The following ZNF536 variants were observed in gnomAD, a reference collection of about 807,000 sequenced individuals.
ZNF536 encodes zinc finger protein 536.
ZNF536 carries 13 observed loss-of-function variants against 84.5 expected under a neutral mutation model. The ratio of observed to expected loss-of-function variants is 0.15; its 90% CI spans 0.10 to 0.24. The LOEUF is 0.24. Among genes scored for constraint, ZNF536 ranks in the 10% least tolerant of loss-of-function variants. The pLI is 1.00. For synonymous variants in ZNF536, 811 were observed against 742.5 expected, an observed-to-expected ratio of 1.09 and a Z score of -1.50; for missense variants, 1,536 against 1,747.5, an observed-to-expected ratio of 0.88 and a Z score of 2.16.
At chr19:30,696,916 A>C (rs1240845972) in intron 1 of ZNF536, among the ~76,000 whole-genome samples, 1 of 152,222 alleles carries the variant, frequency 6.6e-6, no homozygotes, top group Non-Finnish European at 1.5e-5. Flanking sequence ...CTCCAGCTGC[A>C]GGACCATGTT....
At chr19:30,328,731 G>A (rs1433831122) in intron 2 of ZNF536, among the ~76,000 whole-genome samples, 1 of 152,220 alleles carries the variant, frequency 6.6e-6, no homozygotes, top group Admixed American at 6.5e-5. Context: ...TGGAAAGATC[G>A]TGGCATGTTC....
At chr19:30,576,063 T>C (rs182549188) in intron 1 of ZNF536, among the ~76,000 whole-genome samples, 2 of 152,318 alleles carry the variant, frequency 1.3e-5, no homozygotes, top group East Asian at 3.9e-4. Context: ...GAATTCTTAA[T>C]GATGTTTGAG....
At chr19:30,263,902 A>C (rs200239594) in intron 1 of ZNF536, among the ~76,000 whole-genome samples, 6 of 144,134 alleles carry the variant, frequency 4.2e-5, no homozygotes, top group East Asian at 4.3e-4. Context: ...ACACACACAC[A>C]CCCTACACAC....
In ZNF536 at chr19:30,340,935, A is replaced by C. The variant is rs189836700; in HGVS notation, c.-119-11433A>C. Reference sequence around the variant, plus strand: ...CCTTCTCTTCTGCTGCTGTGCACTTAATTCGGTTCCAGCCGTGTCAGGGAG... The same window carrying C: ...CCTTCTCTTCTGCTGCTGTGCACTTCATTCGGTTCCAGCCGTGTCAGGGAG... On this transcript the variant is annotated intron_variant, in intron 2 of 5. Transcript: ENST00000585628. Among the ~76,000 whole-genome samples, 4 of 152,152 alleles carry C rather than the reference A, an allele frequency of 2.6e-5. No individual in the cohort carries two copies. In the East Asian group the frequency reaches 7.7e-4, roughly 29 times the overall value.
intron 1 of ZNF536, among the ~76,000 whole-genome samples, chr19:30,396,022 C>T (rs993553711): frequency 2.0e-5 from 3 of 152,116 alleles, no homozygotes; most frequent in African/African-American, 7.2e-5. Context: ...GTGCACTTGG[C>T]GTACATTCTG....
chr19:30,303,857 C>T (rs2046265883), intron 2 of ZNF536, among the ~76,000 whole-genome samples: 1 of 152,172 alleles, frequency 6.6e-6, no homozygotes, highest in African/African-American at 2.4e-5. Context: ...ACTCACCACT[C>T]AGGGTGAGGC....
At chr19:30,463,446 G>C (rs892905684) in intron 2 of ZNF536, among the ~76,000 whole-genome samples, 1 of 152,148 alleles carries the variant, frequency 6.6e-6, no homozygotes, top group Non-Finnish European at 1.5e-5. Flanking sequence ...GAAGAAGCTG[G>C]GGCTTGAGGC....
intron 2 of ZNF536, among the ~76,000 whole-genome samples, chr19:30,346,092 G>A (rs1014229073): frequency 6.6e-6 from 1 of 152,138 alleles, no homozygotes; most frequent in Non-Finnish European, 1.5e-5. Flanking sequence ...CACTGCCATC[G>A]GAAAGGCTGT....
intron 2 of ZNF536, among the ~76,000 whole-genome samples, chr19:30,306,461 G>A (rs932954772): frequency 6.6e-6 from 1 of 152,134 alleles, no homozygotes; most frequent in African/African-American, 2.4e-5. Flanking sequence ...TATGTCTTGG[G>A]TTTGTAACAC....
At chr19:30,572,871 G>A (rs1406244130) in intron 1 of ZNF536, among the ~76,000 whole-genome samples, 1 of 152,144 alleles carries the variant, frequency 6.6e-6, no homozygotes, top group African/African-American at 2.4e-5. Flanking sequence ...TGTATCACAT[G>A]GATAGAGAGC....
intron 2 of ZNF536, among the ~76,000 whole-genome samples, chr19:30,510,541 C>A (rs563846683): frequency 3.9e-5 from 6 of 152,320 alleles, no homozygotes; most frequent in Admixed American, 3.9e-4. Context: ...GGGAGGAAGG[C>A]AGGTGGCAAT....
intron 2 of ZNF536, among the ~76,000 whole-genome samples, chr19:30,525,027 T>C (rs1005900440): frequency 6.6e-6 from 1 of 152,200 alleles, no homozygotes; most frequent in African/African-American, 2.4e-5. Context: ...GTGAAGTCGT[T>C]TCTCCTTATG....
At position 30,667,536 on chromosome 19, in the gene ZNF536, A is replaced by G. The variant is rs75211561; in HGVS notation, c.170-43221A>G. On this transcript the variant is annotated intron_variant, in intron 1 of 1. Coordinates refer to the ZNF536 transcript ENST00000592773. ...GACCTGAAATGCCGAAGTGTCCCCA[A>G]TGGCCTGGATCAAGGTTAATTGAAG... 6.4e-3 allele frequency among the ~76,000 whole-genome samples: 979 copies of G among 151,934 alleles called. 10 individuals are homozygous for G. The highest frequency in any genetic ancestry group is 0.022 in the African/African-American group (921 of 41,460).
intron 2 of ZNF536, among the ~76,000 whole-genome samples, chr19:30,305,614 A>G (rs1600151888): frequency 1.3e-5 from 2 of 152,328 alleles, no homozygotes; most frequent in Middle Eastern, 3.4e-3. Context: ...CCTGGCACCA[A>G]CATTGGAGGC....
chr19:30,619,746 T>C (rs1215776110), intron 1 of ZNF536, among the ~76,000 whole-genome samples: 1 of 152,238 alleles, frequency 6.6e-6, no homozygotes, highest in African/African-American at 2.4e-5. Context: ...CTGCTCTTCC[T>C]TGCAGGAAAG....
At chr19:30,480,231 A>G (rs755382548) in intron 2 of ZNF536, among the ~76,000 whole-genome samples, 27 of 151,950 alleles carry the variant, frequency 1.8e-4, no homozygotes, top group Non-Finnish European at 2.9e-4. Flanking sequence ...TTTGTCATCC[A>G]TCTCAGGCTC....
At chr19:30,565,691 C>T (rs987097062) in intron 1 of ZNF536, among the ~76,000 whole-genome samples, 5 of 152,212 alleles carry the variant, frequency 3.3e-5, no homozygotes, top group Admixed American at 6.5e-5. Flanking sequence ...CTCACCCCCT[C>T]CCACATCCCC....
chr19:30,331,166 C>G (rs71350805), intron 2 of ZNF536, among the ~76,000 whole-genome samples: 1 of 151,420 alleles, frequency 6.6e-6, no homozygotes. Flanking sequence ...CACCTGGGGT[C>G]TCAGCTGCTT....
intron 1 of ZNF536, among the ~76,000 whole-genome samples, chr19:30,570,247 C>T (rs192949696): frequency 6.6e-6 from 1 of 152,170 alleles, no homozygotes; most frequent in Non-Finnish European, 1.5e-5. Context: ...CCTGGACACC[C>T]TCCCTCCACA....
Sources: gnomAD v4.1 joint callset for allele counts (sites outside exome capture counted in the v4.1 genomes callset) on GRCh38, gnomAD v4.1.1 for gene constraint, MANE v1.5 for transcripts, NCBI Gene and HGNC (gene_info 2026-07-23, HGNC 2026-07-21) for gene names.